TMEM170B: variants seen among roughly 807,000 people sequenced by gnomAD.
TMEM170B encodes transmembrane protein 170B.
In TMEM170B, 6 loss-of-function variants were observed where a neutral mutation model predicts 13.0. The ratio of observed to expected loss-of-function variants is 0.46; its 90% CI spans 0.25 to 0.91. The LOEUF (loss-of-function observed/expected upper bound fraction) is 0.91, where lower values mean the gene tolerates loss of function less well. TMEM170B is among the 40% of genes least tolerant of loss of function. The pLI is 0.17. For missense variants in TMEM170B, 138 were observed against 165.2 expected, an observed-to-expected ratio of 0.84 and a Z score of 0.90; for synonymous variants, 61 against 64.9, an observed-to-expected ratio of 0.94 and a Z score of 0.29.
rs183796909 is a variant in TMEM170B, at chr6:11,557,529, T to A, written c.98-8137T>A. On this transcript the variant is annotated intron_variant, in intron 1 of 2. Transcript: ENST00000379426. ...TTAAAAAAAAGGAAATAAAATAATTTAAAAAAAGAAATTTAGATATTTTTA... is the reference window on the plus strand; with the variant it reads ...TTAAAAAAAAGGAAATAAAATAATTAAAAAAAAGAAATTTAGATATTTTTA... 4.9e-3 allele frequency among the ~76,000 whole-genome samples: 746 copies of A among 152,290 alleles called. 9 individuals are homozygous for A. The highest frequency in any genetic ancestry group is 0.017 in the African/African-American group (695 of 41,548).
At chr6:11,545,376 A>C (rs368577866) in intron 1 of TMEM170B, among the ~76,000 whole-genome samples, 3 of 151,264 alleles carry the variant, frequency 2.0e-5, no homozygotes, top group African/African-American at 7.3e-5. Flanking sequence ...ATGTTCCAAA[A>C]CCCCCAGTGG....
At chr6:11,569,619 A>C (rs1240376641) in intron 2 of TMEM170B, among the ~76,000 whole-genome samples, 1 of 152,120 alleles carries the variant, frequency 6.6e-6, no homozygotes, top group Non-Finnish European at 1.5e-5. Flanking sequence ...GTAAAACGTT[A>C]TTTCTATTTA....
At chr6:11,542,539 A>G (rs974559695) in intron 1 of TMEM170B, among the ~76,000 whole-genome samples, 3 of 152,180 alleles carry the variant, frequency 2.0e-5, no homozygotes, top group Non-Finnish European at 1.5e-5. Flanking sequence ...GGAAATAACT[A>G]CTGTCTGAAT....
chr6:11,544,398 A>G (rs1404804396), intron 1 of TMEM170B, among the ~76,000 whole-genome samples: 1 of 152,222 alleles, frequency 6.6e-6, no homozygotes, highest in Non-Finnish European at 1.5e-5. Context: ...GATAAGGGAT[A>G]TTCAACCTGT....
At chr6:11,544,606 CCTG>C in intron 1 of TMEM170B, among the ~76,000 whole-genome samples, 1 of 152,314 alleles carries the variant, frequency 6.6e-6, no homozygotes, top group South Asian at 2.1e-4. Flanking sequence ...CCAAGTTCAG[CCTG>C]CTATTTATTT....
At chr6:11,566,891 C>T (rs1300705940) in intron 2 of TMEM170B, among the ~76,000 whole-genome samples, 4 of 152,204 alleles carry the variant, frequency 2.6e-5, no homozygotes, top group African/African-American at 9.7e-5. Flanking sequence ...GGTGGAATGC[C>T]CCCAAAGGTC....
chr6:11,569,303 A>T (rs1361693775), intron 2 of TMEM170B, among the ~76,000 whole-genome samples: 1 of 152,182 alleles, frequency 6.6e-6, no homozygotes, highest in Admixed American at 6.5e-5. Flanking sequence ...TAGTTTCGAC[A>T]TGATCAACTG....
chr6:11,574,161 C>A (rs191697032), intron 2 of TMEM170B, among the ~76,000 whole-genome samples: 194 of 152,090 alleles, frequency 1.3e-3, no homozygotes, highest in African/African-American at 4.5e-3. Context: ...CTGTTTTTTT[C>A]ATCTTTAAAT....
At chr6:11,573,074 T>C (rs988164338) in intron 2 of TMEM170B, among the ~76,000 whole-genome samples, 1 of 152,174 alleles carries the variant, frequency 6.6e-6, no homozygotes, top group African/African-American at 2.4e-5. Flanking sequence ...GTGTTTATAT[T>C]CTAAATATTA....
chr6:11,567,722 A>G (rs576261757), intron 2 of TMEM170B, among the ~76,000 whole-genome samples: 2 of 152,194 alleles, frequency 1.3e-5, no homozygotes, highest in African/African-American at 4.8e-5. Flanking sequence ...TTTGTCATAG[A>G]CGGGGTTTTA....
At chr6:11,544,992 C>A (rs1388045714) in intron 1 of TMEM170B, among the ~76,000 whole-genome samples, 1 of 151,474 alleles carries the variant, frequency 6.6e-6, no homozygotes, top group Non-Finnish European at 1.5e-5. Flanking sequence ...ACTATTTTGG[C>A]TTCCATCTTA....
intron 2 of TMEM170B, among the ~76,000 whole-genome samples, chr6:11,567,917 A>G (rs961231161): frequency 2.0e-5 from 3 of 152,234 alleles, no homozygotes; most frequent in Non-Finnish European, 4.4e-5. Context: ...GCAAGGGACA[A>G]GCAGTTCAGT....
In TMEM170B at chr6:11,577,635, C is replaced by T. The variant is rs118000213; in HGVS notation, c.*2074C>T. 69 of 152,030 alleles carry T rather than the reference C, an allele frequency of 4.5e-4. No homozygotes were observed. The East Asian group carries it at 0.012, about 27-fold the overall frequency. The allele number at this position is 152,030 out of a possible 1,614,324, so 9.4% of individuals were successfully genotyped here. ...AGTAATATGGAGCATGATTCATAAT[C>T]CAAAATTAACAAGAAAATAACTTGG... On this transcript the variant is annotated 3_prime_UTR_variant, in exon 3 of 3. Transcript: ENST00000379426.
At chr6:11,567,136 A>G (rs1217197314) in intron 2 of TMEM170B, among the ~76,000 whole-genome samples, 1 of 152,158 alleles carries the variant, frequency 6.6e-6, no homozygotes, top group Non-Finnish European at 1.5e-5. Context: ...ACTCCTGACA[A>G]CCTACCTATT....
intron 1 of TMEM170B, among the ~76,000 whole-genome samples, chr6:11,557,342 A>C (rs781348452): frequency 5.9e-5 from 9 of 152,364 alleles, no homozygotes; most frequent in Non-Finnish European, 1.2e-4. Context: ...TTTAAATTCT[A>C]CAAAATCATG....
At chr6:11,569,927 G>T (rs1368969310) in intron 2 of TMEM170B, among the ~76,000 whole-genome samples, 2 of 151,296 alleles carry the variant, frequency 1.3e-5, no homozygotes, top group Admixed American at 6.6e-5. Context: ...CAGTGGTTTT[G>T]TGGTATATCT....
At chr6:11,545,319 G>A (rs536531710) in intron 1 of TMEM170B, among the ~76,000 whole-genome samples, 23 of 92,864 alleles carry the variant, frequency 2.5e-4, no homozygotes, top group South Asian at 5.2e-4. Context: ...TGTAGTACTA[G>A]TAGTAAGTAG....
intron 1 of TMEM170B, among the ~76,000 whole-genome samples, chr6:11,542,829 C>CTT (rs1286777839): frequency 1.3e-5 from 2 of 152,184 alleles, no homozygotes; most frequent in Non-Finnish European, 1.5e-5. Flanking sequence ...TCTGAAACAT[C>CTT]TGTCATTTGT....
At chr6:11,548,735 A>G (rs1759475224) in intron 1 of TMEM170B, among the ~76,000 whole-genome samples, 1 of 152,204 alleles carries the variant, frequency 6.6e-6, no homozygotes, top group African/African-American at 2.4e-5. Context: ...ATGGAATACT[A>G]TGCAGCCATA....
Sources: gnomAD v4.1 joint callset for allele counts (sites outside exome capture counted in the v4.1 genomes callset) on GRCh38, gnomAD v4.1.1 for gene constraint, MANE v1.5 for transcripts, NCBI Gene and HGNC (gene_info 2026-07-23, HGNC 2026-07-21) for gene names.